Variants in COX7B observed in about 807,000 individuals in gnomAD.
COX7B encodes the protein cytochrome c oxidase subunit 7B, mitochondrial.
A neutral mutation model predicts 7.9 loss-of-function variants in COX7B; 2 were observed. That is an observed-to-expected ratio of 0.25 (90% CI 0.10 to 0.79). The LOEUF (loss-of-function observed/expected upper bound fraction) is 0.79. COX7B is among the 30% of genes least tolerant of loss of function. COX7B has a pLI of 0.69. For synonymous variants in COX7B, 19 were observed against 21.1 expected, an observed-to-expected ratio of 0.90 and a Z score of 0.27; for missense variants, 54 against 62.7, an observed-to-expected ratio of 0.86 and a Z score of 0.47.
chrX:77,905,265 T>A lies in COX7B; in HGVS notation c.*4T>A. The stretch of plus-strand genomic sequence containing the variant: ...AAAGGAATGGAGGAATCAGTAATCA[T>A]CCCAGCTGGTGTAATAATGAATTGT... On this transcript the variant is annotated 3_prime_UTR_variant, in exon 3 of 3. Transcript: ENST00000650309. 1 of 1,187,067 alleles carries A rather than the reference T, an allele frequency of 8.4e-7. No homozygotes were observed. Among genetic ancestry groups the A allele is most frequent in the Non-Finnish European group, 1.1e-6 (1 of 874,532 alleles).
Position 77,905,825 on chromosome X carries a change from G to A in COX7B, c.*564G>A, listed in dbSNP as rs1164173830. The A allele has an allele frequency of 9.0e-6, 1 of 111,316 alleles. No homozygotes were observed. Among genetic ancestry groups the A allele is most frequent in the Non-Finnish European group, 1.9e-5 (1 of 53,186 alleles). The allele number at this position is 111,316 out of a possible 1,213,427, so 9.2% of individuals were successfully genotyped here. A position where few individuals can be genotyped will look rare whatever the true frequency, so the allele number is the denominator to read the frequency against. On this transcript the variant is annotated 3_prime_UTR_variant, in exon 3 of 3. Transcript: ENST00000650309. ...ACGCCACCAGGCCCGGCTAATTTTTGTATTTTTAGTAGAGACGGGGTTTCA... is the reference window on the plus strand; with the variant it reads ...ACGCCACCAGGCCCGGCTAATTTTTATATTTTTAGTAGAGACGGGGTTTCA...
At chrX:77,904,852 T>C (rs1449247910) in intron 2 of COX7B, among the ~76,000 whole-genome samples, 1 of 111,732 alleles carries the variant, frequency 8.9e-6, no homozygotes, top group East Asian at 2.8e-4. Flanking sequence ...GAAGTATAAA[T>C]TTGAATTAAA....
chrX:77,902,898 C>G lies in COX7B; in HGVS notation c.165+131C>G, dbSNP rs1182102326. On this transcript the variant is annotated intron_variant, in intron 2 of 2. Coordinates refer to ENST00000650309, the MANE Select transcript of COX7B (RefSeq NM_001866.3). ...TTGAGAGATTGTGTAATCTAATTACCCACACAGTGCAGGGGATTTTTTCCC... is the reference window on the plus strand; with the variant it reads ...TTGAGAGATTGTGTAATCTAATTACGCACACAGTGCAGGGGATTTTTTCCC... The G allele has an allele frequency of 8.5e-6, 5 of 586,882 alleles. No homozygotes were observed. In the South Asian group the frequency reaches 1.3e-4, roughly 15 times the overall value. 48.4% of individuals were successfully genotyped at this position (586,882 alleles called of 1,213,427 possible). A position where few individuals can be genotyped will look rare whatever the true frequency, so the allele number is the denominator to read the frequency against.
chrX:77,899,735 G>A (rs1431782567), intron 1 of COX7B, 142 bp downstream of exon 1: 1 of 567,955 alleles, frequency 1.8e-6, no homozygotes, highest in East Asian at 3.6e-5. Flanking sequence ...CAAGTCATTG[G>A]GATGATGTCC....
chrX:77,903,936 G>GTTTTTTTTTTTTT (rs781838016), intron 2 of COX7B, among the ~76,000 whole-genome samples: 1 of 84,035 alleles, frequency 1.2e-5, no homozygotes, highest in Non-Finnish European at 2.4e-5. Flanking sequence ...TTTGTTTTTT[G>GTTTTTTTTTTTTT]TTTTTTTTTT....
chrX:77,903,592 A>G (rs1231010288), intron 2 of COX7B, among the ~76,000 whole-genome samples: 19 of 111,205 alleles, frequency 1.7e-4, no homozygotes, highest in East Asian at 8.5e-4. Context: ...ACCCACTTCC[A>G]TATAACAGCC....
rs1402118563 is a variant in COX7B at position 77,906,221 on chromosome X, G to A, written c.*960G>A. 1 of 112,207 alleles carries A rather than the reference G, an allele frequency of 8.9e-6. No individual in the cohort carries two copies. The highest frequency in any genetic ancestry group is 2.8e-4 in the East Asian group (1 of 3,595). The allele number at this position is 112,207 out of a possible 1,213,427, so 9.2% of individuals were successfully genotyped here. On this transcript the variant is annotated 3_prime_UTR_variant, in exon 3 of 3. Coordinates refer to ENST00000650309, the MANE Select transcript of COX7B (RefSeq NM_001866.3). ...ACCTTTGAGCCAAAAATTTGGCCTG[G>A]ATTTTGGTTATGCCTACTACTATGT...
chrX:77,906,605 G>T lies in COX7B; in HGVS notation c.*1344G>T, dbSNP rs2077135746. On this transcript the variant is annotated 3_prime_UTR_variant, in exon 3 of 3. Transcript: ENST00000650309. ...GATTTTATGTATGTTACCTGAAGAA[G>T]AGCAATATCTGTACCACATATTTCT... 8.9e-6 allele frequency: 1 copy of T among 111,962 alleles called. No homozygotes were observed. The highest frequency in any genetic ancestry group is 3.2e-5 in the African/African-American group (1 of 30,805). 9.2% of individuals were successfully genotyped at this position (111,962 alleles called of 1,213,427 possible). A position where few individuals can be genotyped will look rare whatever the true frequency, so the allele number is the denominator to read the frequency against.
rs1021675116 is a variant in COX7B, at chrX:77,899,957, C to T, written c.40+364C>T. On this transcript the variant is annotated intron_variant, in intron 1 of 2. Transcript: ENST00000650309. Reference sequence around the variant, plus strand: ...CTAACCCTGTATAGAAAAATATCTTCTCCAATTCCTATTACTGTAATAGAC... The same window carrying T: ...CTAACCCTGTATAGAAAAATATCTTTTCCAATTCCTATTACTGTAATAGAC... Among the ~76,000 whole-genome samples, 3 of 112,203 alleles carry T rather than the reference C, an allele frequency of 2.7e-5. No homozygotes were observed. In the East Asian group the frequency reaches 8.3e-4, roughly 31 times the overall value.
intron 1 of COX7B, among the ~76,000 whole-genome samples, chrX:77,899,965 C>T (rs1428957827): frequency 8.9e-6 from 1 of 112,033 alleles, no homozygotes; most frequent in Non-Finnish European, 1.9e-5. Context: ...TTCTCCAATT[C>T]CTATTACTGT....
rs782303080 is a variant in COX7B at position 77,902,693 on chromosome X, C to T, written c.91C>T (p.Pro31Ser). 2 of 1,209,196 alleles carry T rather than the reference C, an allele frequency of 1.7e-6. No homozygotes were observed. The highest frequency in any genetic ancestry group is 3.5e-5 in the South Asian group (2 of 56,904). The change falls in exon 2 of 3, where the codon CCT (proline) becomes TCT (serine). Residue 31 changes from proline to serine, a missense_variant. Coordinates refer to ENST00000650309, the MANE Select transcript of COX7B (RefSeq NM_001866.3). ...MARQSHQKRTPDFHDKYGNAV... is the reference protein window; with the variant it reads ...MARQSHQKRTSDFHDKYGNAV... Reference sequence around the variant, plus strand: ...AAGGCAGAGCCACCAGAAACGTACACCTGATTTTCATGACAAATACGGTAA... The same window carrying T: ...AAGGCAGAGCCACCAGAAACGTACATCTGATTTTCATGACAAATACGGTAA...
At chrX:77,903,580 T>G (rs2077126813) in intron 2 of COX7B, among the ~76,000 whole-genome samples, 1 of 111,301 alleles carries the variant, frequency 9.0e-6, no homozygotes, top group African/African-American at 3.3e-5. Flanking sequence ...ACAGAAATTC[T>G]GACCCACTTC....
chrX:77,901,417 G>A (rs1799742524), intron 1 of COX7B, among the ~76,000 whole-genome samples: 1 of 105,922 alleles, frequency 9.4e-6, no homozygotes, highest in African/African-American at 3.4e-5. Context: ...TCTTTAAAAC[G>A]ATAAGAACCT....
chrX:77,903,583 CCCACTTCCATATAACAG>C (rs1264493958), intron 2 of COX7B, among the ~76,000 whole-genome samples: 3 of 111,053 alleles, frequency 2.7e-5, no homozygotes, highest in Non-Finnish European at 5.7e-5. Flanking sequence ...GAAATTCTGA[CCCACTTCCATATAACAG>C]CCATCAGATA....
chrX:77,905,187 G>A lies in COX7B; in HGVS notation c.169G>A (p.Ala57Thr). The change falls in exon 3 of 3, where the codon GCA becomes ACA. Residue 57 changes from alanine to threonine, a missense_variant. Physicochemically the swap from Ala to Thr is moderately conservative, Grantham distance 58. Coordinates refer to ENST00000650309, the MANE Select transcript of COX7B (RefSeq NM_001866.3). Reference protein sequence around the residue: ...TFCIVTWTYVATQVGIEWNLS... With the variant: ...TFCIVTWTYVTTQVGIEWNLS... ...GACAGCATTTTAATTCTTACAGGTA[G>A]CAACACAAGTCGGAATAGAATGGAA... The A allele has an allele frequency of 8.3e-7, 1 of 1,206,546 alleles. No homozygotes were observed. The highest frequency in any genetic ancestry group is 1.1e-6 in the Non-Finnish European group (1 of 891,063).
intron 1 of COX7B, among the ~76,000 whole-genome samples, chrX:77,901,060 T>C (rs1445019952): frequency 2.7e-5 from 3 of 111,760 alleles, no homozygotes; most frequent in African/African-American, 9.8e-5. Context: ...CCACTTTTTA[T>C]CTTTTCTGGA....
At position 77,902,939 on chromosome X, in the gene COX7B, T is replaced by C. The variant is rs141843491; in HGVS notation, c.165+172T>C. 888 of 375,157 alleles carry C rather than the reference T, an allele frequency of 2.4e-3. 10 individuals are homozygous for C. Among genetic ancestry groups the C allele is most frequent in the African/African-American group, 0.021 (800 of 38,977 alleles). 30.9% of individuals were successfully genotyped at this position (375,157 alleles called of 1,213,427 possible). The stretch of plus-strand genomic sequence containing the variant: ...ATTTTTTCCCCCCAGCATTCATCCA[T>C]CTTCTGTTCTTAACATTCCCAGTAA... On this transcript the variant is annotated intron_variant, in intron 2 of 2. Transcript: ENST00000650309.
Position 77,905,288 on chromosome X carries a change from T to G in COX7B, c.*27T>G. ...CATCCCAGCTGGTGTAATAATGAAT[T>G]GTTTAAAAAACAGCTCATAATTGAT... On this transcript the variant is annotated 3_prime_UTR_variant, in exon 3 of 3. Transcript: ENST00000650309. 1 of 1,131,642 alleles carries G rather than the reference T, an allele frequency of 8.8e-7. No homozygotes were observed. The highest frequency in any genetic ancestry group is 1.2e-6 in the Non-Finnish European group (1 of 824,456). The allele number at this position is 1,131,642 out of a possible 1,213,427, so 93.3% of individuals were successfully genotyped here.
chrX:77,904,034 G>A (rs985717844), intron 2 of COX7B, among the ~76,000 whole-genome samples: 2 of 103,542 alleles, frequency 1.9e-5, no homozygotes, highest in African/African-American at 3.5e-5. Flanking sequence ...CCGGGTTCAC[G>A]CCATCCTCCT....
Sources: allele counts gnomAD v4.1 joint callset (sites outside exome capture counted in the v4.1 genomes callset), GRCh38; gene constraint gnomAD v4.1.1; transcripts MANE v1.5; gene names NCBI Gene and HGNC (gene_info 2026-07-23, HGNC 2026-07-21).